RAB9B: variants seen among roughly 807,000 people sequenced by gnomAD.
RAB9B encodes ras-related protein Rab-9B.
A neutral mutation model predicts 8.9 loss-of-function variants in RAB9B; 1 was observed. The ratio of observed to expected loss-of-function variants is 0.11; its 90% CI spans 0.04 to 0.53. The LOEUF (loss-of-function observed/expected upper bound fraction) is 0.53, where lower values mean the gene tolerates loss of function less well. Among genes scored for constraint, RAB9B ranks in the 20% least tolerant of loss-of-function variants. RAB9B has a pLI of 0.93. For missense variants in RAB9B, 82 were observed against 152.9 expected, an observed-to-expected ratio of 0.54 and a Z score of 2.45; for synonymous variants, 63 against 57.0, an observed-to-expected ratio of 1.10 and a Z score of -0.47.
At position 103,825,809 on chromosome X, in the gene RAB9B, G is replaced by C. The variant is rs2074681348; in HGVS notation, c.-25C>G. The C allele has an allele frequency of 8.8e-7, 1 of 1,134,491 alleles. No individual in the cohort carries two copies. Among genetic ancestry groups the C allele is most frequent in the African/African-American group, 1.8e-5 (1 of 54,453 alleles). The allele number at this position is 1,134,491 out of a possible 1,213,427, so 93.5% of individuals were successfully genotyped here. A position where few individuals can be genotyped will look rare whatever the true frequency, so the allele number is the denominator to read the frequency against. ...TTTTTGCAGCACCAGAAGGGAAGGA[G>C]TTTGTAACCAAGAGAACCTGAAAAT... On this transcript the variant is annotated 5_prime_UTR_variant, in exon 3 of 3. Coordinates refer to ENST00000243298, the MANE Select transcript of RAB9B (RefSeq NM_016370.4).
the RAB9B span, among the ~76,000 whole-genome samples, chrX:103,777,400 A>G: frequency 1.8e-5 from 2 of 111,776 alleles, no homozygotes; most frequent in Non-Finnish European, 3.8e-5. Context: ...GATGTACAAA[A>G]TAACTGCTTG....
the RAB9B span, among the ~76,000 whole-genome samples, chrX:103,778,536 T>G: frequency 9.0e-6 from 1 of 111,123 alleles, no homozygotes; most frequent in East Asian, 2.9e-4. Context: ...ATGTTGAATA[T>G]TACTTCCTCA....
At chrX:103,802,911 A>G in the RAB9B span, among the ~76,000 whole-genome samples, 11 of 111,733 alleles carry the variant, frequency 9.8e-5, no homozygotes, top group East Asian at 8.4e-4. Flanking sequence ...TCATATAAAT[A>G]GCATCATATA....
At chrX:103,786,555 C>T in the RAB9B span, 3 of 1,211,484 alleles carry the variant, frequency 2.5e-6, no homozygotes, top group Admixed American at 2.2e-5. Context: ...TCTACACCAC[C>T]GGCGCAGTCA....
chrX:103,820,979 C>T (rs958836798), downstream of RAB9B, among the ~76,000 whole-genome samples: 4 of 27,785 alleles, frequency 1.4e-4, no homozygotes, highest in South Asian at 9.4e-4. Context: ...CACACACACA[C>T]ACATACACAC....
At chrX:103,789,588 A>C in the RAB9B span, among the ~76,000 whole-genome samples, 2 of 112,199 alleles carry the variant, frequency 1.8e-5, no homozygotes, top group African/African-American at 6.5e-5. Flanking sequence ...ATCACAAATT[A>C]GATGGGAACA....
downstream of RAB9B, among the ~76,000 whole-genome samples, chrX:103,821,951 TCAATTTCCAG>T (rs2074662614): frequency 9.0e-6 from 1 of 111,328 alleles, no homozygotes; most frequent in Non-Finnish European, 1.9e-5. Context: ...AAGTTAAGAT[TCAATTTCCAG>T]TCCCAATACA....
chrX:103,798,054 C>T, the RAB9B span, among the ~76,000 whole-genome samples: 1 of 111,419 alleles, frequency 9.0e-6, no homozygotes, highest in East Asian at 2.8e-4. Flanking sequence ...TGATCTACAC[C>T]CACTGAATCA....
intron 1 of RAB9B, among the ~76,000 whole-genome samples, chrX:103,829,780 G>A (rs2074696640): frequency 1.8e-5 from 2 of 111,881 alleles, no homozygotes; most frequent in Admixed American, 1.9e-4. Context: ...AACTTTTCCT[G>A]TCTTTCTTAC....
At chrX:103,827,856 G>A (rs2074689507) in intron 1 of RAB9B, among the ~76,000 whole-genome samples, 1 of 110,465 alleles carries the variant, frequency 9.1e-6, no homozygotes, top group South Asian at 3.9e-4. Context: ...TTGTAGAGAT[G>A]GGGTTTCACC....
At chrX:103,818,044 T>C (rs1411043047), downstream of RAB9B, among the ~76,000 whole-genome samples, 1 of 111,036 alleles carries the variant, frequency 9.0e-6, no homozygotes, top group Non-Finnish European at 1.9e-5. Flanking sequence ...GCAAGATCTA[T>C]GGGAGGGGAT....
chrX:103,786,190 G>A, the RAB9B span: 25 of 1,126,753 alleles, frequency 2.2e-5, no homozygotes, highest in African/African-American at 2.9e-4. Context: ...ATGTCTGAAG[G>A]GTGGGGCAGG....
the RAB9B span, among the ~76,000 whole-genome samples, chrX:103,781,755 T>C: frequency 8.9e-6 from 1 of 112,542 alleles, no homozygotes; most frequent in Admixed American, 9.4e-5. Flanking sequence ...TTAATCTGAC[T>C]GAGTTGCATT....
the RAB9B span, chrX:103,785,879 G>A: frequency 1.3e-6 from 1 of 792,379 alleles, no homozygotes; most frequent in South Asian, 2.1e-5. Flanking sequence ...GGTGGAGCCA[G>A]ACCGGATTCC....
chrX:103,793,266 G>C, the RAB9B span, among the ~76,000 whole-genome samples: 1 of 111,834 alleles, frequency 8.9e-6, no homozygotes, highest in African/African-American at 3.3e-5. Context: ...CACAACCCTA[G>C]GTTAGAATTT....
chrX:103,776,819 T>A, the RAB9B span: 4 of 492,899 alleles, frequency 8.1e-6, no homozygotes, highest in South Asian at 1.3e-4. Flanking sequence ...TTTAAGGGGG[T>A]TGGCTGTCAA....
rs767850146 is a variant in RAB9B, at chrX:103,823,332, T to C, written c.*1847A>G. Reference sequence around the variant, plus strand: ...CTGGCTTTGACTTCTGGCGTCAAAGTTAATTGAACAATGGTGTCAGGATTA... The same window carrying C: ...CTGGCTTTGACTTCTGGCGTCAAAGCTAATTGAACAATGGTGTCAGGATTA... On this transcript the variant is annotated 3_prime_UTR_variant, in exon 3 of 3. Coordinates refer to ENST00000243298, the MANE Select transcript of RAB9B (RefSeq NM_016370.4). 10 of 111,885 alleles carry C rather than the reference T, an allele frequency of 8.9e-5. No homozygotes were observed. The East Asian group carries it at 2.8e-3, about 31-fold the overall frequency. The allele number at this position is 111,885 out of a possible 1,213,427, so 9.2% of individuals were successfully genotyped here.
chrX:103,798,802 C>A, the RAB9B span, among the ~76,000 whole-genome samples: 2 of 108,364 alleles, frequency 1.8e-5, no homozygotes, highest in Non-Finnish European at 3.8e-5. Context: ...ATCACCACAC[C>A]CGGCTAATTT....
At chrX:103,797,068 G>A in the RAB9B span, among the ~76,000 whole-genome samples, 1 of 99,142 alleles carries the variant, frequency 1.0e-5, no homozygotes, top group African/African-American at 3.6e-5. Context: ...AAATAAAAAG[G>A]AATTTAGAGG....
Sources: allele counts gnomAD v4.1 joint callset (sites outside exome capture counted in the v4.1 genomes callset), GRCh38; gene constraint gnomAD v4.1.1; transcripts MANE v1.5; gene names NCBI Gene and HGNC (gene_info 2026-07-23, HGNC 2026-07-21).